MOB3A: variants seen among roughly 807,000 people sequenced by gnomAD.
The protein encoded by MOB3A is MOB LAK.
In MOB3A, 17 loss-of-function variants were observed where a neutral mutation model predicts 17.8. The ratio of observed to expected loss-of-function variants is 0.95; its 90% CI spans 0.65 to 1.43. The LOEUF is 1.43. Among genes scored for constraint, MOB3A ranks in the 40% most tolerant of loss-of-function variants. MOB3A has a pLI of 0.00. For synonymous variants in MOB3A, 124 were observed against 133.2 expected (o/e 0.93, Z 0.48); for missense variants, 333 against 310.8 (o/e 1.07, Z -0.54).
chr19:2,090,128 GGC>G (rs1294301131), intron 1 of MOB3A: 1 of 152,318 alleles, frequency 6.6e-6, no homozygotes, highest in Non-Finnish European at 1.5e-5. Context: ...GCAGCTGCCA[GGC>G]GCTTCTGAAA....
At chr19:2,081,663 A>T (rs1370035529) in intron 2 of MOB3A, among the ~76,000 whole-genome samples, 2 of 152,090 alleles carry the variant, frequency 1.3e-5, no homozygotes, top group Non-Finnish European at 2.9e-5. Context: ...AGGCGGGCGG[A>T]TCACGAGGTC....
At chr19:2,076,782 C>A in intron 4 of MOB3A, 29 bp downstream of exon 4, 1 of 1,608,626 alleles carries the variant, frequency 6.2e-7, no homozygotes, top group South Asian at 1.1e-5. Context: ...CCACCGTAAC[C>A]GCACGCCCTC....
At chr19:2,088,162 G>A (rs1568256603) in intron 1 of MOB3A, among the ~76,000 whole-genome samples, 2 of 152,324 alleles carry the variant, frequency 1.3e-5, no homozygotes, top group East Asian at 3.9e-4. Context: ...CAGAGTGGGT[G>A]GTGGCCAGGG....
At chr19:2,095,742 C>T (rs964977295) in intron 1 of MOB3A, among the ~76,000 whole-genome samples, 7 of 151,168 alleles carry the variant, frequency 4.6e-5, no homozygotes, top group Non-Finnish European at 8.8e-5. Flanking sequence ...TTCCTTTTTT[C>T]TTTTTTCTTT....
chr19:2,073,438 G>T lies in MOB3A; in HGVS notation c.625-14C>A, dbSNP rs771850716. On this transcript the variant is annotated splice_polypyrimidine_tract_variant and intron_variant, in intron 4 of 4. Transcript: ENST00000357066. Reference sequence around the variant, plus strand: ...GGTCATTTCTTTCTGTAAAGAGCAAGCAAGACATCAGCTCCCACCAGCCAC... The same window carrying T: ...GGTCATTTCTTTCTGTAAAGAGCAATCAAGACATCAGCTCCCACCAGCCAC... 3.1e-6 allele frequency: 5 copies of T among 1,613,822 alleles called. No individual in the cohort carries two copies. In the South Asian group the frequency reaches 4.4e-5, roughly 14 times the overall value.
At chr19:2,074,024 C>T (rs1402377262) in intron 4 of MOB3A, among the ~76,000 whole-genome samples, 1 of 151,740 alleles carries the variant, frequency 6.6e-6, no homozygotes, top group Non-Finnish European at 1.5e-5. Flanking sequence ...GAGCGAGACT[C>T]TGTCTCAAAA....
At chr19:2,094,913 G>C (rs1474810666) in intron 1 of MOB3A, among the ~76,000 whole-genome samples, 3 of 152,266 alleles carry the variant, frequency 2.0e-5, no homozygotes, top group Non-Finnish European at 2.9e-5. Context: ...GCTCACGCCT[G>C]TAATCCCAGC....
intron 2 of MOB3A, among the ~76,000 whole-genome samples, chr19:2,080,132 C>G (rs1453816529): frequency 1.3e-5 from 2 of 152,168 alleles, no homozygotes; most frequent in Admixed American, 6.6e-5. Context: ...GGATGCAGAC[C>G]CCACCCTGCT....
chr19:2,081,061 G>A (rs2017481013), intron 2 of MOB3A, among the ~76,000 whole-genome samples: 2 of 152,222 alleles, frequency 1.3e-5, no homozygotes, highest in South Asian at 4.2e-4. Context: ...GAGCCCGGGA[G>A]TTCGAGGCTG....
rs777596902 is a variant in MOB3A at position 2,078,303 on chromosome 19, C to T, written c.258G>A (p.Gln86=). ...YGTISDGCTE[Q]SCPVMSGGPK... is the part of the protein sequence containing the mutation. Reference sequence around the variant, plus strand: ...GGCCCCCCGACATGACGGGGCAGGACTGCTCCGTGCAGCCGTCGCTGATGG... The same window carrying T: ...GGCCCCCCGACATGACGGGGCAGGATTGCTCCGTGCAGCCGTCGCTGATGG... The change falls in exon 3 of 5, where the codon CAG becomes CAA. Residue 86 remains glutamine (Q), a synonymous_variant. Coordinates refer to ENST00000357066, the MANE Select transcript of MOB3A (RefSeq NM_130807.3). 4 of 1,614,204 alleles carry T rather than the reference C, an allele frequency of 2.5e-6. No individual in the cohort carries two copies. The Admixed American group carries it at 6.7e-5, about 27-fold the overall frequency.
chr19:2,081,530 G>C (rs2017489588), intron 2 of MOB3A, among the ~76,000 whole-genome samples: 1 of 151,584 alleles, frequency 6.6e-6, no homozygotes, highest in Admixed American at 6.6e-5. Context: ...AAAGGTTGCA[G>C]TGAGCCGAGA....
At chr19:2,076,568 C>CGCGGG (rs1167233037) in intron 4 of MOB3A, among the ~76,000 whole-genome samples, 1 of 152,200 alleles carries the variant, frequency 6.6e-6, no homozygotes, top group East Asian at 1.9e-4. Flanking sequence ...GTGAGCTGGA[C>CGCGGG]GCGGGGCGGC....
intron 2 of MOB3A, among the ~76,000 whole-genome samples, chr19:2,081,076 G>A (rs998047369): frequency 1.3e-5 from 2 of 152,038 alleles, no homozygotes; most frequent in Non-Finnish European, 1.5e-5. Context: ...AGGCTGCAGT[G>A]AGCCTCGAAC....
intron 1 of MOB3A, among the ~76,000 whole-genome samples, chr19:2,086,623 G>T (rs897301615): frequency 4.6e-5 from 7 of 152,108 alleles, no homozygotes; most frequent in Non-Finnish European, 1.0e-4. Context: ...CTCCCAAAGT[G>T]CTGGGATTAC....
chr19:2,080,739 C>T (rs373040493), intron 2 of MOB3A, among the ~76,000 whole-genome samples: 5 of 152,006 alleles, frequency 3.3e-5, no homozygotes, highest in Admixed American at 2.0e-4. Context: ...CATGACTGGG[C>T]GAGTGTTTGG....
intron 3 of MOB3A, among the ~76,000 whole-genome samples, chr19:2,077,920 A>C (rs2017433022): frequency 6.6e-6 from 1 of 152,048 alleles, no homozygotes; most frequent in South Asian, 2.1e-4. Flanking sequence ...AGTAGCTGCG[A>C]CCAAAGGCGT....
chr19:2,089,960 C>T (rs2017594828), intron 1 of MOB3A: 1 of 152,330 alleles, frequency 6.6e-6, no homozygotes, highest in African/African-American at 2.4e-5. Context: ...CCCCGTATTT[C>T]CAAGTCCCCT....
chr19:2,081,307 G>A (rs1259108818), intron 2 of MOB3A, among the ~76,000 whole-genome samples: 2 of 152,196 alleles, frequency 1.3e-5, no homozygotes, highest in Non-Finnish European at 2.9e-5. Context: ...CAAGTTAGAG[G>A]CCGGGCGTGG....
rs193283677 is a variant in MOB3A at position 2,073,351 on chromosome 19, G to C, written c.*44C>G. On this transcript the variant is annotated 3_prime_UTR_variant, in exon 5 of 5. Transcript: ENST00000357066. ...CCAGAGCGTCCTCCTCCAAGTCTCC[G>C]AGGCCCCAGCGGCGGTTCGGGCACC... 1 of 1,611,254 alleles carries C rather than the reference G, an allele frequency of 6.2e-7. No homozygotes were observed. The highest frequency in any genetic ancestry group is 8.5e-7 in the Non-Finnish European group (1 of 1,179,032).
Sources: allele counts gnomAD v4.1 joint callset (sites outside exome capture counted in the v4.1 genomes callset), GRCh38; gene constraint gnomAD v4.1.1; transcripts MANE v1.5; gene names NCBI Gene and HGNC (gene_info 2026-07-23, HGNC 2026-07-21).